TRIM37: variants seen among roughly 807,000 people sequenced by gnomAD.
The protein encoded by TRIM37 is tripartite motif containing 37.
In TRIM37, 80 loss-of-function variants were observed where a neutral mutation model predicts 129.8. The observed-to-expected ratio is 0.62, with a 90% CI of 0.51 to 0.74. The LOEUF (loss-of-function observed/expected upper bound fraction) is 0.74. Ranked by LOEUF, TRIM37 falls within the 30% of genes least tolerant of loss-of-function variation. TRIM37 has a pLI of 0.00. For synonymous variants in TRIM37, 389 were observed against 387.1 expected (o/e 1.00, Z -0.06); for missense variants, 1,054 against 1,176.5 (o/e 0.90, Z 1.52).
downstream of TRIM37, among the ~76,000 whole-genome samples, chr17:58,996,204 G>A (rs1182361223): frequency 6.6e-6 from 1 of 152,082 alleles, no homozygotes; most frequent in Non-Finnish European, 1.5e-5. Context: ...CGGGCACAGT[G>A]GCTCATGCTT....
intron 9 of TRIM37, among the ~76,000 whole-genome samples, chr17:59,066,081 A>T (rs1417335813): frequency 6.6e-6 from 1 of 152,196 alleles, no homozygotes; most frequent in Non-Finnish European, 1.5e-5. Flanking sequence ...ACAGATTAGA[A>T]GTCACATACT....
In TRIM37 at chr17:59,079,892, G is replaced by C. The variant is rs562292846; in HGVS notation, c.493-15C>G. 14 of 1,612,672 alleles carry C rather than the reference G, an allele frequency of 8.7e-6. No homozygotes were observed. The African/African-American group carries it at 1.2e-4, about 14-fold the overall frequency. On this transcript the variant is annotated splice_polypyrimidine_tract_variant and intron_variant, in intron 6 of 23. Transcript: ENST00000262294. ...ACATTCCTTTCCTAGAAGATAAAGA[G>C]GTAAGAATAATTTTAATTGGGTAAA...
chr17:58,980,089 C>A, downstream of TRIM37: 2 of 1,614,124 alleles, frequency 1.2e-6, no homozygotes, highest in Non-Finnish European at 1.7e-6. The surrounding 1 kb of genome is among the most constrained non-coding windows in gnomAD (Gnocchi z 4.7). Context: ...ACACCGTGAA[C>A]CCTGATGAGG....
chr17:59,050,244 C>A (rs1190639721), intron 14 of TRIM37, among the ~76,000 whole-genome samples: 1 of 152,204 alleles, frequency 6.6e-6, no homozygotes, highest in Non-Finnish European at 1.5e-5. Context: ...AACTAAGTCA[C>A]TGACAGAAAC....
At chr17:59,035,747 A>C (rs2038395532) in intron 17 of TRIM37, among the ~76,000 whole-genome samples, 2 of 151,218 alleles carry the variant, frequency 1.3e-5, no homozygotes. Context: ...ATTCAAAAAA[A>C]CAAAAAAACA....
At chr17:58,993,966 AAAG>A (rs2032714800), downstream of TRIM37, among the ~76,000 whole-genome samples, 1 of 152,206 alleles carries the variant, frequency 6.6e-6, no homozygotes, top group Admixed American at 6.5e-5. Flanking sequence ...CTAAAGACTA[AAAG>A]AACTGTATAC....
At chr17:59,052,901 G>A (rs1325447665) in intron 13 of TRIM37, among the ~76,000 whole-genome samples, 1 of 152,102 alleles carries the variant, frequency 6.6e-6, no homozygotes, top group African/African-American at 2.4e-5. Flanking sequence ...GTGGCAGTGA[G>A]CCGAGATCGC....
At chr17:59,094,943 T>A (rs1158362465) in intron 2 of TRIM37, among the ~76,000 whole-genome samples, 1 of 152,128 alleles carries the variant, frequency 6.6e-6, no homozygotes, top group African/African-American at 2.4e-5. Context: ...CAGTCGGGTG[T>A]GGTGGCTCAC....
intron 20 of TRIM37, among the ~76,000 whole-genome samples, chr17:59,017,034 G>A (rs2036031624): frequency 6.6e-6 from 1 of 151,898 alleles, no homozygotes. Flanking sequence ...GCGTAGTGGT[G>A]CACACCTGTA....
intron 24 of TRIM37, chr17:58,982,990 TA>T (rs935848969): frequency 0.01 from 12,515 of 1,211,050 alleles, no homozygotes; most frequent in South Asian, 0.016. Context: ...CTTAGCGAAG[TA>T]AAAAAAAAAG....
rs77739562 is a variant in TRIM37 at position 58,984,025 on chromosome 17, A to G, written c.2892-1104T>C. 3 of 152,746 alleles carry G rather than the reference A, an allele frequency of 2.0e-5. No homozygotes were observed. The East Asian group carries it at 5.8e-4, about 29-fold the overall frequency. The allele number at this position is 152,746 out of a possible 1,614,324, so 9.5% of individuals were successfully genotyped here. On this transcript the variant is annotated intron_variant, in intron 24 of 24. Transcript: ENST00000393066. ...GTTAGGCAACATTACAGCAACACACACTGGGGCTATTAATCCCATTTAGGT... is the reference window on the plus strand; with the variant it reads ...GTTAGGCAACATTACAGCAACACACGCTGGGGCTATTAATCCCATTTAGGT...
At chr17:58,985,775 T>G (rs2031748428) in intron 24 of TRIM37, among the ~76,000 whole-genome samples, 1 of 152,126 alleles carries the variant, frequency 6.6e-6, no homozygotes, top group African/African-American at 2.4e-5. Context: ...GCCTTTACAA[T>G]TAATTTTACA....
intron 5 of TRIM37, 22 bp downstream of exon 5, chr17:59,083,980 A>T (rs1327919825): frequency 1.9e-6 from 3 of 1,602,152 alleles, no homozygotes; most frequent in Non-Finnish European, 2.6e-6. Context: ...CTTAAAAAAA[A>T]TACTGAATTT....
At chr17:59,078,034 A>T (rs991316282) in intron 7 of TRIM37, among the ~76,000 whole-genome samples, 44 of 151,830 alleles carry the variant, frequency 2.9e-4, no homozygotes, top group African/African-American at 1.0e-3. Context: ...CTGAGGCAGG[A>T]GAATTGCTTG....
intron 22 of TRIM37, among the ~76,000 whole-genome samples, chr17:59,010,214 C>G (rs2035080058): frequency 6.6e-6 from 1 of 152,062 alleles, no homozygotes; most frequent in Non-Finnish European, 1.5e-5. Flanking sequence ...ATTTTGCCTC[C>G]CAGGAAACAT....
chr17:59,053,514 T>C (rs765518685), intron 13 of TRIM37, among the ~76,000 whole-genome samples: 13 of 152,182 alleles, frequency 8.5e-5, no homozygotes, highest in Non-Finnish European at 1.8e-4. Flanking sequence ...GTCTATATTT[T>C]TCTTATTAGC....
intron 12 of TRIM37, among the ~76,000 whole-genome samples, chr17:59,058,473 A>C (rs1040595411): frequency 6.6e-6 from 1 of 152,200 alleles, no homozygotes; most frequent in African/African-American, 2.4e-5. Flanking sequence ...CTGTACAATG[A>C]ACCCCCATGA....
Position 58,998,821 on chromosome 17 carries a change from T to C in TRIM37, c.*556A>G. 1.0e-6 allele frequency: 1 copy of C among 990,314 alleles called. No homozygotes were observed. The highest frequency in any genetic ancestry group is 1.2e-6 in the Non-Finnish European group (1 of 832,790). 61.3% of individuals were successfully genotyped at this position (990,314 alleles called of 1,614,324 possible). Reference sequence around the variant, plus strand: ...CTGTACTTGAACAAGTGAGAGAAGATACATACTCCAAAAAGGAGATTCAGT... The same window carrying C: ...CTGTACTTGAACAAGTGAGAGAAGACACATACTCCAAAAAGGAGATTCAGT... On this transcript the variant is annotated 3_prime_UTR_variant, in exon 24 of 24. Coordinates refer to ENST00000262294, the MANE Select transcript of TRIM37 (RefSeq NM_015294.6).
At chr17:58,971,097 T>C in the TRIM37 span, among the ~76,000 whole-genome samples, 2 of 152,252 alleles carry the variant, frequency 1.3e-5, no homozygotes, top group African/African-American at 4.8e-5. Flanking sequence ...CTCCTTCTTA[T>C]GCTTCCATGT....
Sources: allele counts gnomAD v4.1 joint callset (sites outside exome capture counted in the v4.1 genomes callset), GRCh38; gene constraint gnomAD v4.1.1; non-coding constraint Gnocchi (gnomAD v3.1); transcripts MANE v1.5; gene names NCBI Gene and HGNC (gene_info 2026-07-23, HGNC 2026-07-21).